GPHN: variants seen among roughly 807,000 people sequenced by gnomAD.
GPHN encodes gephyrin.
In GPHN, 17 loss-of-function variants were observed where a neutral mutation model predicts 95.5. The observed-to-expected ratio is 0.18, with a 90% confidence interval of 0.12 to 0.27. The LOEUF (loss-of-function observed/expected upper bound fraction) is 0.27. Among genes scored for constraint, GPHN ranks in the 10% least tolerant of loss-of-function variants. GPHN has a pLI of 1.00. For synonymous variants in GPHN, 320 were observed against 322.5 expected, an observed-to-expected ratio of 0.99 and a Z score of 0.08; for missense variants, 660 against 978.1, an observed-to-expected ratio of 0.67 and a Z score of 4.34.
chr14:66,973,522 G>A (rs576645937), intron 9 of GPHN, among the ~76,000 whole-genome samples: 4 of 152,262 alleles, frequency 2.6e-5, no homozygotes, highest in African/African-American at 9.6e-5. Context: ...ACTTTGGAAC[G>A]CCAAGGCGGG....
chr14:67,538,567 C>T, the GPHN span, among the ~76,000 whole-genome samples: 1 of 152,188 alleles, frequency 6.6e-6, no homozygotes, highest in African/African-American at 2.4e-5. Context: ...TGGTATCTTC[C>T]TTTAACCTCC....
At chr14:67,612,406 G>A in the GPHN span, among the ~76,000 whole-genome samples, 1 of 152,150 alleles carries the variant, frequency 6.6e-6, no homozygotes, top group Admixed American at 6.5e-5. Flanking sequence ...TCTTCTATGG[G>A]TGGGATTTTG....
At chr14:67,712,453 G>A in the GPHN span, among the ~76,000 whole-genome samples, 2 of 64,842 alleles carry the variant, frequency 3.1e-5, no homozygotes, top group African/African-American at 4.6e-5. Flanking sequence ...AGCTATTAAT[G>A]AAGAAAACAG....
chr14:67,142,270 C>T (rs1369817006), intron 17 of GPHN, among the ~76,000 whole-genome samples: 2 of 152,196 alleles, frequency 1.3e-5, no homozygotes, highest in East Asian at 3.8e-4. Flanking sequence ...ATACCAATTA[C>T]AGGTCGCATT....
At chr14:66,627,959 A>G (rs1167145895) in intron 1 of GPHN, among the ~76,000 whole-genome samples, 2 of 152,068 alleles carry the variant, frequency 1.3e-5, no homozygotes, top group East Asian at 3.8e-4. Flanking sequence ...GGTTAGGTTT[A>G]TTTTGTGCTA....
intron 17 of GPHN, among the ~76,000 whole-genome samples, chr14:67,131,309 G>A (rs866981813): frequency 4.3e-4 from 65 of 151,876 alleles, no homozygotes; most frequent in African/African-American, 1.5e-3. Flanking sequence ...ATTGGGCCAG[G>A]GTTGTTTTCT....
chr14:67,388,706 G>A, the GPHN span, among the ~76,000 whole-genome samples: 1 of 152,034 alleles, frequency 6.6e-6, no homozygotes, highest in African/African-American at 2.4e-5. Context: ...TTGAGACGGA[G>A]TCTCACTCTG....
chr14:66,627,281 T>A (rs1487375178), intron 1 of GPHN, among the ~76,000 whole-genome samples: 1 of 152,064 alleles, frequency 6.6e-6, no homozygotes, highest in Non-Finnish European at 1.5e-5. Context: ...TTCACAATTT[T>A]ACTCTTTTTC....
chr14:66,560,618 T>C lies in GPHN; in HGVS notation c.64+52027T>C, dbSNP rs1344135459. 5.9e-5 allele frequency among the ~76,000 whole-genome samples: 9 copies of C among 152,238 alleles called. 1 individual carries two copies. The highest frequency in any genetic ancestry group is 1.2e-4 in the Non-Finnish European group (8 of 68,040). On this transcript the variant is annotated intron_variant, in intron 1 of 22. Transcript: ENST00000478722. ...TGTCCTGAGACTTTGCTGAAGTTGC[T>C]TATCAGCTTAAGGAGATTTTGGGCT...
At chr14:67,041,328 A>G (rs955475125) in intron 10 of GPHN, among the ~76,000 whole-genome samples, 2 of 151,788 alleles carry the variant, frequency 1.3e-5, no homozygotes, top group African/African-American at 4.8e-5. Flanking sequence ...TTAACCCATC[A>G]CCTACATTAG....
the GPHN span, chr14:67,562,963 G>T: frequency 6.8e-7 from 1 of 1,480,894 alleles, no homozygotes; most frequent in African/African-American, 1.4e-5. Flanking sequence ...GCTGAGCACA[G>T]CCATGCACTG....
chr14:67,210,999 CA>C, the GPHN span, among the ~76,000 whole-genome samples: 1 of 151,926 alleles, frequency 6.6e-6, no homozygotes, highest in Non-Finnish European at 1.5e-5. Flanking sequence ...CACCCTGCCT[CA>C]AAAAACAAAC....
the GPHN span, among the ~76,000 whole-genome samples, chr14:67,492,500 G>A: frequency 1.3e-5 from 2 of 152,170 alleles, no homozygotes; most frequent in African/African-American, 4.8e-5. Context: ...ATTTTATCTG[G>A]GTTCTTCCCA....
At chr14:66,660,743 C>G (rs2153374743) in intron 1 of GPHN, among the ~76,000 whole-genome samples, 1 of 152,232 alleles carries the variant, frequency 6.6e-6, no homozygotes, top group South Asian at 2.1e-4. Context: ...CAGGTACTTG[C>G]ATTGGGACTG....
chr14:67,242,450 A>T, the GPHN span, among the ~76,000 whole-genome samples: 3 of 152,326 alleles, frequency 2.0e-5, no homozygotes, highest in South Asian at 2.1e-4. Context: ...CTGATTTTTT[A>T]AAAAAGCAAT....
chr14:67,027,349 G>A (rs1444308363), intron 10 of GPHN, among the ~76,000 whole-genome samples: 1 of 152,004 alleles, frequency 6.6e-6, no homozygotes, highest in Non-Finnish European at 1.5e-5. Flanking sequence ...GCCCCACCCC[G>A]AGACAAAGTC....
At chr14:67,034,057 A>G (rs2074307170) in intron 10 of GPHN, among the ~76,000 whole-genome samples, 1 of 152,246 alleles carries the variant, frequency 6.6e-6, no homozygotes, top group Non-Finnish European at 1.5e-5. Context: ...CCTGGCTTAC[A>G]AGAAATGCTA....
intron 2 of GPHN, among the ~76,000 whole-genome samples, chr14:66,755,993 C>T (rs1366905058): frequency 6.6e-6 from 1 of 152,116 alleles, no homozygotes; most frequent in African/African-American, 2.4e-5. Flanking sequence ...GTGCATTTAT[C>T]TGCTTAATGT....
At chr14:66,862,831 T>C (rs978588229) in intron 4 of GPHN, among the ~76,000 whole-genome samples, 1 of 152,108 alleles carries the variant, frequency 6.6e-6, no homozygotes, top group Non-Finnish European at 1.5e-5. Flanking sequence ...TCCTTCAACA[T>C]AATAAGAGCT....
Sources: gnomAD v4.1 joint callset for allele counts (sites outside exome capture counted in the v4.1 genomes callset) on GRCh38, gnomAD v4.1.1 for gene constraint, MANE v1.5 for transcripts, NCBI Gene and HGNC (gene_info 2026-07-23, HGNC 2026-07-21) for gene names.